MAST3: variants seen among roughly 807,000 people sequenced by gnomAD.
MAST3 encodes the protein microtubule-associated serine/threonine-protein kinase 3.
MAST3 carries 43 observed loss-of-function variants against 127.0 expected under a neutral mutation model. The ratio of observed to expected loss-of-function variants is 0.34; its 90% CI spans 0.27 to 0.44. The LOEUF is 0.44. Ranked by LOEUF, MAST3 falls within the 20% of genes least tolerant of loss-of-function variation. MAST3 has a pLI of 1.00. For synonymous variants in MAST3, 785 were observed against 809.2 expected, an observed-to-expected ratio of 0.97 and a Z score of 0.51; for missense variants, 1,390 against 1,919.1, an observed-to-expected ratio of 0.72 and a Z score of 5.15.
At chr19:18,126,034 G>C (rs1410574908) in intron 11 of MAST3, among the ~76,000 whole-genome samples, 1 of 151,908 alleles carries the variant, frequency 6.6e-6, no homozygotes, top group Non-Finnish European at 1.5e-5. Context: ...GCTCTAGCCT[G>C]GGTGAAAGAG....
At chr19:18,146,176 C>G (rs1440980078) in intron 25 of MAST3, among the ~76,000 whole-genome samples, 1 of 152,178 alleles carries the variant, frequency 6.6e-6, no homozygotes, top group African/African-American at 2.4e-5. Flanking sequence ...CGGTGGCACA[C>G]GCCTGTAATC....
chr19:18,122,083 C>T (rs573075817), intron 5 of MAST3, 161 bp downstream of exon 5: 15 of 985,318 alleles, frequency 1.5e-5, no homozygotes, highest in East Asian at 2.3e-4. Context: ...CTCCCATTCC[C>T]GGCAAATGCA....
chr19:18,124,934 C>T (rs56101340), intron 11 of MAST3, among the ~76,000 whole-genome samples, 160 bp downstream of exon 11: 2,188 of 137,686 alleles, frequency 0.016, 52 homozygotes, highest in African/African-American at 0.055. Context: ...GGTGGAAACC[C>T]CCCCCCTACT....
rs144872159 is a variant in MAST3 at position 18,140,109 on chromosome 19, G to A, written c.2205+985G>A. On this transcript the variant is annotated intron_variant, in intron 20 of 27. Transcript: ENST00000687212. ...GCTGGGATTACAGGCGTGAGCCACC[G>A]TGCCCGGCCTGTTTTAGCCATTTTA... is the stretch of plus-strand genomic sequence containing the variant. 1.0e-2 allele frequency among the ~76,000 whole-genome samples: 1,518 copies of A among 152,076 alleles called. 56 individuals carry two copies. The highest frequency in any genetic ancestry group is 0.06 in the Admixed American group (915 of 15,290).
chr19:18,136,835 T>C (rs2041942257), intron 18 of MAST3, among the ~76,000 whole-genome samples: 1 of 152,114 alleles, frequency 6.6e-6, no homozygotes, highest in Non-Finnish European at 1.5e-5. Context: ...TTGTTGTTTT[T>C]TGAGACAGAG....
At chr19:18,103,190 G>A (rs79348408) in intron 1 of MAST3, among the ~76,000 whole-genome samples, 1,653 of 152,184 alleles carry the variant, frequency 0.011, 35 homozygotes, top group African/African-American at 0.037. Context: ...CAGCTTCCCC[G>A]GGAGCCTTTG....
chr19:18,101,470 G>A (rs1358913865), intron 1 of MAST3, among the ~76,000 whole-genome samples: 3 of 151,538 alleles, frequency 2.0e-5, no homozygotes, highest in African/African-American at 7.3e-5. Context: ...ACTTCCAACC[G>A]GGCTTGGTGC....
At chr19:18,102,658 T>C (rs938408358) in intron 1 of MAST3, among the ~76,000 whole-genome samples, 1 of 152,108 alleles carries the variant, frequency 6.6e-6, no homozygotes, top group Non-Finnish European at 1.5e-5. Context: ...ATTTTTGTAT[T>C]TTAAGTAGAG....
chr19:18,105,916 C>T (rs956370962), intron 1 of MAST3, among the ~76,000 whole-genome samples: 1 of 152,066 alleles, frequency 6.6e-6, no homozygotes. Flanking sequence ...GGCTTTGCAG[C>T]GAGTGAGGAG....
rs1182303425 is a variant in MAST3, at chr19:18,137,319, G to A, written c.2053G>A (p.Val685Met). Residue 685 changes from valine (V) to methionine (M), a missense_variant, in exon 19 of 28, where the codon GTG becomes ATG. Val to Met is a conservative substitution (Grantham distance 21). Around this residue, in one of 5 missense-constraint regions of MAST3, gnomAD observed 191 missense variants for 409.0 expected, o/e 0.47. Coordinates refer to ENST00000687212, the MANE Select transcript of MAST3 (RefSeq NM_001393504.1). The part of the protein sequence containing the change: ...AGLLRHKAEF[V>M]PQLEAEDDTS... ...GCTTCTCCGACACAAAGCCGAGTTC[G>A]TGCCCCAGCTCGAAGCTGAGGATGA... The A allele has an allele frequency of 6.2e-6, 10 of 1,613,738 alleles. No homozygotes were observed. Among genetic ancestry groups the A allele is most frequent in the Admixed American group, 1.7e-5 (1 of 59,974 alleles).
chr19:18,130,732 G>A (rs1259253154), intron 14 of MAST3, 30 bp downstream of exon 14: 1 of 1,600,760 alleles, frequency 6.2e-7, no homozygotes, highest in Admixed American at 1.7e-5. Flanking sequence ...CATGCCTCCA[G>A]CGATGGGGAG....
At chr19:18,129,223 C>T in intron 13 of MAST3, 1 of 497,564 alleles carries the variant, frequency 2.0e-6, no homozygotes, top group Non-Finnish European at 3.6e-6. Flanking sequence ...GAAATAGATG[C>T]CCACCCAGTG....
intron 13 of MAST3, among the ~76,000 whole-genome samples, chr19:18,129,919 T>A: frequency 2.3e-5 from 1 of 43,542 alleles, no homozygotes; most frequent in African/African-American, 5.5e-5. Flanking sequence ...AGTGAGACCA[T>A]CTCAAAAAAA....
intron 3 of MAST3, among the ~76,000 whole-genome samples, chr19:18,119,808 T>G (rs989539393): frequency 1.3e-5 from 2 of 152,192 alleles, no homozygotes; most frequent in South Asian, 2.1e-4. Flanking sequence ...CTGTGTCCTT[T>G]GATGATCATA....
In MAST3 at chr19:18,145,870, G is replaced by A. The variant is rs780286286; in HGVS notation, c.3162+5G>A. The A allele has an allele frequency of 6.9e-6, 11 of 1,586,638 alleles. No homozygotes were observed. Among genetic ancestry groups the A allele is most frequent in the African/African-American group, 6.8e-5 (5 of 73,274 alleles). On this transcript the variant is annotated splice_donor_5th_base_variant and intron_variant, in intron 25 of 27. Coordinates refer to ENST00000687212, the MANE Select transcript of MAST3 (RefSeq NM_001393504.1). This position sits in a 1 kb window ranked among gnomAD's most constrained non-coding sequence, Gnocchi z 5.9. ...GTCGTGGAGCTGCTGCTGAAGGTGC[G>A]GCACCCCCACTGCCCACCCTCAGGG...
chr19:18,121,813 C>T (rs139101517), intron 4 of MAST3, 40 bp downstream of exon 4: 2 of 1,613,832 alleles, frequency 1.2e-6, no homozygotes, highest in African/African-American at 1.3e-5. Flanking sequence ...TGTCCTGCCT[C>T]TGCCCCGCTG....
At position 18,149,874 on chromosome 19, in the gene MAST3, A is replaced by T. The variant is rs570750086; in HGVS notation, c.*148A>T. On this transcript the variant is annotated 3_prime_UTR_variant, in exon 28 of 28. Coordinates refer to ENST00000687212, the MANE Select transcript of MAST3 (RefSeq NM_001393504.1). The surrounding 1 kb of genome is among the most constrained non-coding windows in gnomAD (Gnocchi z 5.9). ...TCTCGGTCCTTGCTGGAAGGTGGAG[A>T]CATCGCTTGTGTTCTGGTGTCAATC... The T allele has an allele frequency of 4.3e-6, 5 of 1,152,212 alleles. No individual in the cohort carries two copies. The African/African-American group carries it at 7.6e-5, about 17-fold the overall frequency. 71.4% of individuals were successfully genotyped at this position (1,152,212 alleles called of 1,614,324 possible).
Position 18,149,981 on chromosome 19 carries a change from TTTTC to T in MAST3, c.*259_*262del, listed in dbSNP as rs2043418677. 6 of 210,720 alleles carry T rather than the reference TTTTC, an allele frequency of 2.8e-5. No individual in the cohort carries two copies. Among genetic ancestry groups the T allele is most frequent in the South Asian group, 8.9e-5 (2 of 22,536 alleles). The allele number at this position is 210,720 out of a possible 1,614,324, so 13.1% of individuals were successfully genotyped here. On this transcript the variant is annotated 3_prime_UTR_variant, in exon 28 of 28. Coordinates refer to ENST00000687212, the MANE Select transcript of MAST3 (RefSeq NM_001393504.1). The surrounding 1 kb of genome is among the most constrained non-coding windows in gnomAD (Gnocchi z 5.9). ...CCCTGCAACTAATTTATTACTTTTTTTTTCTTTTTTTTTTTTTTTTTTTGAGACA... is the reference window on the plus strand; with the variant it reads ...CCCTGCAACTAATTTATTACTTTTTTTTTTTTTTTTTTTTTTTTTGAGACA...
chr19:18,108,922 C>G (rs766017866), intron 2 of MAST3, among the ~76,000 whole-genome samples: 1 of 152,102 alleles, frequency 6.6e-6, no homozygotes, highest in Non-Finnish European at 1.5e-5. Context: ...GGGATACAGA[C>G]AATTCAATCT....
Sources: allele counts gnomAD v4.1 joint callset (sites outside exome capture counted in the v4.1 genomes callset), GRCh38; gene constraint gnomAD v4.1.1; regional missense constraint gnomAD v4.1.1; non-coding constraint Gnocchi (gnomAD v3.1); transcripts MANE v1.5; gene names NCBI Gene and HGNC (gene_info 2026-07-23, HGNC 2026-07-21).